Variants in ERAP1 observed in about 807,000 individuals in gnomAD.
ERAP1 encodes endoplasmic reticulum aminopeptidase 1, also known as adipocyte-derived leucine aminopeptidase.
ERAP1 carries 86 observed loss-of-function variants against 103.7 expected under a neutral mutation model. That is an observed-to-expected ratio of 0.83 (90% confidence interval 0.70 to 0.99). ERAP1 has a LOEUF of 0.99. ERAP1 is among the 50% of genes least tolerant of loss of function. ERAP1 has a pLI of 0.00. For synonymous variants in ERAP1, 398 were observed against 402.4 expected (o/e 0.99, Z 0.13); for missense variants, 1,009 against 1,128.4 (o/e 0.89, Z 1.52).
the ERAP1 span, among the ~76,000 whole-genome samples, chr5:96,819,303 A>G: frequency 6.6e-6 from 1 of 152,182 alleles, no homozygotes; most frequent in East Asian, 1.9e-4. Flanking sequence ...ACTCTCTAAG[A>G]ACAGCTTCAT....
the ERAP1 span, among the ~76,000 whole-genome samples, chr5:96,871,786 G>A: frequency 6.6e-6 from 1 of 152,086 alleles, no homozygotes; most frequent in Admixed American, 6.6e-5. Context: ...TTTGTTTTCA[G>A]TAAGTGCTTT....
chr5:96,774,920 AATC>A lies in ERAP1; in HGVS notation c.*1473_*1475del, dbSNP rs56311676. On this transcript the variant is annotated 3_prime_UTR_variant, in exon 19 of 19. Coordinates refer to ENST00000443439, the MANE Select transcript of ERAP1 (RefSeq NM_001040458.3). ...AACACATTTTGACATTTTTCGTACC[AATC>A]ATCAATCATATTCCCTTATCTTGAA... is the stretch of plus-strand genomic sequence containing the variant. 0.12 allele frequency: 114,333 copies of A among 984,110 alleles called. 7,110 individuals carry two copies. The highest frequency in any genetic ancestry group is 0.13 in the Middle Eastern group (248 of 1,914). 61.0% of individuals were successfully genotyped at this position (984,110 alleles called of 1,614,324 possible).
the ERAP1 span, among the ~76,000 whole-genome samples, chr5:96,922,248 A>G: frequency 1.3e-5 from 2 of 152,240 alleles, no homozygotes; most frequent in Non-Finnish European, 2.9e-5. Flanking sequence ...CAGTGAGCCG[A>G]GATCAGGCCA....
the ERAP1 span, among the ~76,000 whole-genome samples, chr5:96,912,959 A>C: frequency 1.3e-5 from 2 of 152,244 alleles, no homozygotes; most frequent in Non-Finnish European, 2.9e-5. Flanking sequence ...ACAAAATGCA[A>C]ATAGTGAAAA....
the ERAP1 span, among the ~76,000 whole-genome samples, chr5:96,884,962 T>TG: frequency 0.61 from 92,282 of 151,942 alleles, 28,148 homozygotes; most frequent in Middle Eastern, 0.73. Context: ...GTTTTGTACT[T>TG]GAGATTACAT....
the ERAP1 span, chr5:96,902,533 T>A: frequency 3.8e-6 from 2 of 523,934 alleles, no homozygotes; most frequent in Non-Finnish European, 6.8e-6. Flanking sequence ...GATTTTTCAT[T>A]CAGTGGGAAG....
the ERAP1 span, among the ~76,000 whole-genome samples, chr5:96,841,854 A>C: frequency 7.5e-6 from 1 of 133,612 alleles, no homozygotes; most frequent in Admixed American, 8.6e-5. Context: ...TAAGTTCTTT[A>C]GTGGTGATTT....
the ERAP1 span, among the ~76,000 whole-genome samples, chr5:96,830,666 C>T: frequency 6.6e-5 from 10 of 152,228 alleles, no homozygotes; most frequent in East Asian, 1.4e-3. Context: ...AATATGAAGT[C>T]GAAAGCAAGC....
At chr5:96,780,971 G>C (rs1775083763) in intron 17 of ERAP1, 87 bp downstream of exon 17, 1 of 1,482,826 alleles carries the variant, frequency 6.7e-7, no homozygotes, top group Admixed American at 1.7e-5. Flanking sequence ...CCTTTAGACT[G>C]TTACTGTTCT....
At chr5:96,818,941 T>TATTG in the ERAP1 span, among the ~76,000 whole-genome samples, 1 of 149,626 alleles carries the variant, frequency 6.7e-6, no homozygotes, top group Non-Finnish European at 1.5e-5. Context: ...TTTATTTATT[T>TATTG]TTGAGACGGC....
chr5:96,775,095 A>G lies in ERAP1; in HGVS notation c.*1301T>C. On this transcript the variant is annotated 3_prime_UTR_variant, in exon 19 of 19. Coordinates refer to ENST00000443439, the MANE Select transcript of ERAP1 (RefSeq NM_001040458.3). ...CTATGGGTTAGATAAGTCCCTGTGTAGCAAGTTTTCAGAATAAGAAATAAA... is the reference window on the plus strand; with the variant it reads ...CTATGGGTTAGATAAGTCCCTGTGTGGCAAGTTTTCAGAATAAGAAATAAA... The G allele has an allele frequency of 1.0e-6, 1 of 985,598 alleles. No individual in the cohort carries two copies. The highest frequency in any genetic ancestry group is 1.2e-6 in the Non-Finnish European group (1 of 829,932). 61.1% of individuals were successfully genotyped at this position (985,598 alleles called of 1,614,324 possible).
At chr5:96,881,087 G>C in the ERAP1 span, 2 of 238,486 alleles carry the variant, frequency 8.4e-6, no homozygotes, top group Admixed American at 5.2e-5. Flanking sequence ...TGAGGAGAGC[G>C]AACAAGAGGG....
chr5:96,783,473 A>G (rs1775530166), intron 14 of ERAP1, among the ~76,000 whole-genome samples: 1 of 152,198 alleles, frequency 6.6e-6, no homozygotes, highest in African/African-American at 2.4e-5. Context: ...TAAAGTCAGG[A>G]TGAATTGCGA....
chr5:96,880,010 A>G, the ERAP1 span: 1 of 1,614,184 alleles, frequency 6.2e-7, no homozygotes, highest in African/African-American at 1.3e-5. Flanking sequence ...CCAGTTTATC[A>G]TCTTGCACAG....
chr5:96,801,399 A>G (rs999054649), intron 2 of ERAP1, among the ~76,000 whole-genome samples: 2 of 152,022 alleles, frequency 1.3e-5, no homozygotes, highest in Middle Eastern at 3.4e-3. Flanking sequence ...CAGAGGTTTC[A>G]GTGACCTGAG....
chr5:96,925,853 T>C, the ERAP1 span, among the ~76,000 whole-genome samples: 1 of 150,918 alleles, frequency 6.6e-6, no homozygotes, highest in Admixed American at 6.6e-5. Context: ...AGCAACCAGA[T>C]GGGGGAAAAC....
At chr5:96,809,971 G>T (rs1779056818), upstream of ERAP1, among the ~76,000 whole-genome samples, 1 of 152,194 alleles carries the variant, frequency 6.6e-6, no homozygotes, top group African/African-American at 2.4e-5. Context: ...CAGGCTGGAG[G>T]TTAATACAGA....
At chr5:96,840,085 A>G in the ERAP1 span, among the ~76,000 whole-genome samples, 4 of 152,372 alleles carry the variant, frequency 2.6e-5, no homozygotes, top group East Asian at 7.7e-4. Flanking sequence ...ACTTTTTCCA[A>G]TAAACAATTA....
At chr5:96,818,690 A>G in the ERAP1 span, among the ~76,000 whole-genome samples, 1 of 152,144 alleles carries the variant, frequency 6.6e-6, no homozygotes, top group Admixed American at 6.5e-5. Context: ...TTGGATAAAG[A>G]TAGTTTTATT....
Sources: allele counts gnomAD v4.1 joint callset (sites outside exome capture counted in the v4.1 genomes callset), GRCh38; gene constraint gnomAD v4.1.1; transcripts MANE v1.5; gene names NCBI Gene and HGNC (gene_info 2026-07-23, HGNC 2026-07-21).